The following FGF14 variants were observed in gnomAD, a reference collection of about 807,000 sequenced individuals.
The protein encoded by FGF14 is fibroblast growth factor homologous factor 4.
FGF14 carries 5 observed loss-of-function variants against 25.5 expected under a neutral mutation model. The ratio of observed to expected loss-of-function variants is 0.20; its 90% confidence interval spans 0.10 to 0.41. The LOEUF (loss-of-function observed/expected upper bound fraction) is 0.41. FGF14 is among the 10% of genes least tolerant of loss of function. FGF14 has a pLI of 1.00. For missense variants in FGF14, 222 were observed against 320.1 expected (o/e 0.69, Z 2.34); for synonymous variants, 138 against 118.3 (o/e 1.17, Z -1.08).
chr13:102,331,387 T>C (rs1250968438), intron 1 of FGF14, among the ~76,000 whole-genome samples: 2 of 152,202 alleles, frequency 1.3e-5, no homozygotes, highest in Admixed American at 6.5e-5. Flanking sequence ...TTCTACTCCA[T>C]CACATGTGTG....
At chr13:101,858,302 CAT>C (rs1014924802) in intron 3 of FGF14, among the ~76,000 whole-genome samples, 27 of 151,174 alleles carry the variant, frequency 1.8e-4, no homozygotes, top group African/African-American at 6.1e-4. Context: ...AGTCCTCTCA[CAT>C]GTGTGTATAA....
At chr13:102,142,720 C>A (rs1030382702) in intron 1 of FGF14, among the ~76,000 whole-genome samples, 6 of 152,106 alleles carry the variant, frequency 3.9e-5, no homozygotes, top group African/African-American at 1.4e-4. Context: ...GCTTCCATAC[C>A]TTTCACACCT....
intron 1 of FGF14, among the ~76,000 whole-genome samples, chr13:101,889,886 C>T (rs2046184198): frequency 6.6e-6 from 1 of 152,150 alleles, no homozygotes; most frequent in South Asian, 2.1e-4. Context: ...TTATCATATT[C>T]ATCTTTATTC....
At chr13:102,117,528 G>T (rs777564359) in intron 1 of FGF14, among the ~76,000 whole-genome samples, 10 of 151,530 alleles carry the variant, frequency 6.6e-5, no homozygotes, top group South Asian at 2.1e-4. Context: ...TTACCCTGAA[G>T]ACATATCTCT....
intron 1 of FGF14, among the ~76,000 whole-genome samples, chr13:102,213,899 T>A (rs1264029314): frequency 6.6e-6 from 1 of 152,178 alleles, no homozygotes; most frequent in East Asian, 1.9e-4. Flanking sequence ...TCTATGGTAC[T>A]AATAGGTATT....
At chr13:102,034,535 A>C (rs2041376307) in intron 1 of FGF14, among the ~76,000 whole-genome samples, 1 of 152,174 alleles carries the variant, frequency 6.6e-6, no homozygotes, top group Admixed American at 6.6e-5. Flanking sequence ...AGTTGAGTCA[A>C]GTGAGGCACT....
chr13:102,102,053 C>T (rs1279728455), intron 1 of FGF14, among the ~76,000 whole-genome samples: 1 of 152,134 alleles, frequency 6.6e-6, no homozygotes, highest in Non-Finnish European at 1.5e-5. Flanking sequence ...TTGCCTAATA[C>T]TTATCCTACT....
Position 102,099,709 on chromosome 13 carries a change from A to G in FGF14, c.209-224413T>C, listed in dbSNP as rs61966548. Reference sequence around the variant, plus strand: ...CCTCAAAAACATCTCTTATTTGTTAATAAGATGCACTATTTATTATTAAAT... The same window carrying G: ...CCTCAAAAACATCTCTTATTTGTTAGTAAGATGCACTATTTATTATTAAAT... On this transcript the variant is annotated intron_variant, in intron 1 of 4. Transcript: ENST00000376131. Among the ~76,000 whole-genome samples the G allele has an allele frequency of 1.5e-3, 223 of 152,280 alleles. 1 individual carries two copies. Among genetic ancestry groups the G allele is most frequent in the Admixed American group, 2.7e-3 (41 of 15,278 alleles).
chr13:101,810,239 AC>A (rs1295014630), intron 3 of FGF14, among the ~76,000 whole-genome samples: 1 of 152,154 alleles, frequency 6.6e-6, no homozygotes, highest in African/African-American at 2.4e-5. Flanking sequence ...AGTTTTCACC[AC>A]CAGTACTCAC....
chr13:101,953,632 C>A (rs2036320094), intron 1 of FGF14, among the ~76,000 whole-genome samples: 1 of 149,844 alleles, frequency 6.7e-6, no homozygotes, highest in African/African-American at 2.5e-5. Context: ...CTCTTGTTGC[C>A]CAGGCTGGAG....
chr13:102,219,275 AG>A (rs1418891185), intron 1 of FGF14, among the ~76,000 whole-genome samples: 1 of 152,158 alleles, frequency 6.6e-6, no homozygotes, highest in Non-Finnish European at 1.5e-5. Context: ...GTCCACTCCC[AG>A]CATCTCTGGA....
intron 1 of FGF14, among the ~76,000 whole-genome samples, chr13:102,314,849 G>A (rs189348998): frequency 2.2e-4 from 33 of 151,512 alleles, no homozygotes; most frequent in African/African-American, 7.3e-4. Context: ...TCTCGACATG[G>A]GAGTAAATAT....
intron 1 of FGF14, among the ~76,000 whole-genome samples, chr13:102,049,644 G>T (rs1046220240): frequency 2.0e-5 from 3 of 152,138 alleles, no homozygotes; most frequent in African/African-American, 7.2e-5. Context: ...ATTATTACAG[G>T]TATAATTAGT....
intron 3 of FGF14, among the ~76,000 whole-genome samples, chr13:101,826,808 G>A (rs1450124507): frequency 6.6e-6 from 1 of 152,052 alleles, no homozygotes; most frequent in East Asian, 1.9e-4. Context: ...TTTACAATAT[G>A]TATAATTCTA....
chr13:101,934,397 G>A (rs1397235648), intron 1 of FGF14, among the ~76,000 whole-genome samples: 2 of 152,130 alleles, frequency 1.3e-5, no homozygotes, highest in Non-Finnish European at 2.9e-5. Context: ...TTTAAAAAAT[G>A]GAATGTGGTA....
In FGF14 at chr13:102,308,598, G is replaced by C. The variant is rs564794567; in HGVS notation, c.208+92873C>G. ...AAAAAAAGAATTGGACTAAAAGGTAGCAGACCTAGTTTCTAGCCCCAGCTC... is the reference window on the plus strand; with the variant it reads ...AAAAAAAGAATTGGACTAAAAGGTACCAGACCTAGTTTCTAGCCCCAGCTC... On this transcript the variant is annotated intron_variant, in intron 1 of 4. Coordinates refer to the FGF14 transcript ENST00000376131. 1.2e-4 allele frequency among the ~76,000 whole-genome samples: 18 copies of C among 152,284 alleles called. No homozygotes were observed. In the South Asian group the frequency reaches 3.7e-3, roughly 32 times the overall value.
intron 1 of FGF14, among the ~76,000 whole-genome samples, chr13:102,278,171 A>G (rs936221899): frequency 6.6e-6 from 1 of 152,228 alleles, no homozygotes; most frequent in African/African-American, 2.4e-5. Flanking sequence ...TCCCACTCAT[A>G]TCCATAGCCC....
chr13:102,180,885 A>G (rs1283102708), intron 1 of FGF14, among the ~76,000 whole-genome samples: 1 of 152,162 alleles, frequency 6.6e-6, no homozygotes, highest in Non-Finnish European at 1.5e-5. Context: ...GATCTGTTTT[A>G]TCATGTGGTT....
chr13:102,394,580 C>T (rs1379238324), intron 1 of FGF14: 1 of 152,262 alleles, frequency 6.6e-6, no homozygotes, highest in African/African-American at 2.4e-5. Flanking sequence ...TCCGTGGCAA[C>T]GGAAACTTCC....
Sources: allele counts gnomAD v4.1 joint callset (sites outside exome capture counted in the v4.1 genomes callset), GRCh38; gene constraint gnomAD v4.1.1; transcripts MANE v1.5; gene names NCBI Gene and HGNC (gene_info 2026-07-23, HGNC 2026-07-21).